The following FAM124A variants were observed in gnomAD, a reference collection of about 807,000 sequenced individuals.
The protein encoded by FAM124A is protein FAM124A.
Under a neutral mutation model 24.5 loss-of-function variants are expected in FAM124A, and 23 were observed. The observed-to-expected ratio is 0.94, with a 90% confidence interval of 0.68 to 1.33. The LOEUF is 1.33. Among genes scored for constraint, FAM124A ranks in the 40% most tolerant of loss-of-function variants. The pLI is 0.00. For synonymous variants in FAM124A, 287 were observed against 314.7 expected (o/e 0.91, Z 0.93); for missense variants, 623 against 722.8 (o/e 0.86, Z 1.58).
chr13:51,244,385 G>T (rs911067415), intron 2 of FAM124A, among the ~76,000 whole-genome samples: 3 of 152,194 alleles, frequency 2.0e-5, no homozygotes, highest in African/African-American at 7.2e-5. Context: ...ATCCTCTAGT[G>T]CCTGGCACAT....
chr13:51,251,147 T>C lies in FAM124A; in HGVS notation c.101-321T>C, dbSNP rs926026050. On this transcript the variant is annotated intron_variant, in intron 2 of 3. Transcript: ENST00000322475. This position sits in a 1 kb window ranked among gnomAD's most constrained non-coding sequence, Gnocchi z 5.3. ...CCTTCCAAGTCACTAGACTTGACTT[T>C]CTATTTGTCTGATACGTAAATATAA... Among the ~76,000 whole-genome samples the C allele has an allele frequency of 1.3e-5, 2 of 152,202 alleles. No homozygotes were observed. Among genetic ancestry groups the C allele is most frequent in the African/African-American group, 2.4e-5 (1 of 41,436 alleles).
chr13:51,278,002 G>T (rs1473093413), intron 3 of FAM124A, among the ~76,000 whole-genome samples: 1 of 152,168 alleles, frequency 6.6e-6, no homozygotes, highest in Non-Finnish European at 1.5e-5. Flanking sequence ...CAAATTTCCC[G>T]GGCTGGTTGC....
At chr13:51,250,936 T>A (rs1177083214) in intron 2 of FAM124A, among the ~76,000 whole-genome samples, 1 of 152,142 alleles carries the variant, frequency 6.6e-6, no homozygotes, top group Admixed American at 6.5e-5. Flanking sequence ...TGTGCCTCAC[T>A]CCCTGTGAGG....
In FAM124A at chr13:51,283,539, G is replaced by A. The variant is rs908055230; in HGVS notation, c.*2283G>A. On this transcript the variant is annotated 3_prime_UTR_variant, in exon 4 of 4. Coordinates refer to ENST00000322475, the MANE Select transcript of FAM124A (RefSeq NM_001242312.2). ...AGTGGGCTACTCAGGTTAGACCAAT[G>A]ACTTCAGAACCACAGGGCTCAGAAC... 1 of 152,062 alleles carries A rather than the reference G, an allele frequency of 6.6e-6. No homozygotes were observed. The highest frequency in any genetic ancestry group is 2.4e-5 in the African/African-American group (1 of 41,398). The allele number at this position is 152,062 out of a possible 1,614,324, so 9.4% of individuals were successfully genotyped here. A position where few individuals can be genotyped will look rare whatever the true frequency, so the allele number is the denominator to read the frequency against.
At chr13:51,246,561 C>A (rs1340032707) in intron 2 of FAM124A, among the ~76,000 whole-genome samples, 1 of 152,122 alleles carries the variant, frequency 6.6e-6, no homozygotes, top group African/African-American at 2.4e-5. Flanking sequence ...GGGGCAGGGT[C>A]TTAGCCACTT....
In FAM124A at chr13:51,240,629, G is replaced by A. The variant is rs184821293; in HGVS notation, c.100+9250G>A. ...TATGAGACAGTGTGATGAAGGGCTC[G>A]CCATCTGTTAGATTATAACACGTTC... On this transcript the variant is annotated intron_variant, in intron 2 of 3. Coordinates refer to ENST00000322475, the MANE Select transcript of FAM124A (RefSeq NM_001242312.2). Among the ~76,000 whole-genome samples the A allele has an allele frequency of 3.4e-3, 514 of 152,284 alleles. 3 individuals carry two copies. Among genetic ancestry groups the A allele is most frequent in the Non-Finnish European group, 5.2e-3 (354 of 68,028 alleles).
chr13:51,263,814 C>G (rs1358112533), intron 3 of FAM124A, among the ~76,000 whole-genome samples: 2 of 152,016 alleles, frequency 1.3e-5, no homozygotes, highest in Non-Finnish European at 2.9e-5. Flanking sequence ...GGATAGTTGT[C>G]CTGACTAAGA....
intron 3 of FAM124A, among the ~76,000 whole-genome samples, chr13:51,275,061 G>C (rs1443760489): frequency 6.6e-6 from 1 of 152,104 alleles, no homozygotes; most frequent in Non-Finnish European, 1.5e-5. Flanking sequence ...ACTGGATGCA[G>C]TAGCAAAAAG....
intron 2 of FAM124A, among the ~76,000 whole-genome samples, chr13:51,242,478 A>C (rs78865155): frequency 0.015 from 2,312 of 152,296 alleles, 61 homozygotes; most frequent in African/African-American, 0.053. Flanking sequence ...AGATATGTTT[A>C]AGTGTTTCTA....
chr13:51,280,675 C>T lies in FAM124A; in HGVS notation c.1060C>T (p.Pro354Ser). ...AGRANSTPNP[P>S]WSFQRSKSLF... Reference sequence around the variant, plus strand: ...ACGAGCCAACAGCACCCCCAACCCTCCCTGGTCTTTCCAGAGAAGCAAGTC... The same window carrying T: ...ACGAGCCAACAGCACCCCCAACCCTTCCTGGTCTTTCCAGAGAAGCAAGTC... The change falls in exon 4 of 4, where the codon CCC becomes TCC. Residue 354 changes from proline to serine, a missense_variant. Pro to Ser is a moderately conservative substitution (Grantham distance 74, BLOSUM62 -1). Transcript: ENST00000322475. The T allele has an allele frequency of 6.2e-7, 1 of 1,614,222 alleles. No individual in the cohort carries two copies. The highest frequency in any genetic ancestry group is 8.5e-7 in the Non-Finnish European group (1 of 1,180,054).
chr13:51,227,917 A>G (rs1051464561), intron 1 of FAM124A, among the ~76,000 whole-genome samples: 7 of 152,352 alleles, frequency 4.6e-5, no homozygotes, highest in African/African-American at 1.7e-4. Context: ...GGTGGGTGGA[A>G]AAGAATAGGT....
intron 3 of FAM124A, among the ~76,000 whole-genome samples, chr13:51,271,345 TAG>T (rs1954838730): frequency 6.6e-6 from 1 of 152,106 alleles, no homozygotes; most frequent in South Asian, 2.1e-4. Context: ...TTAGTTCACA[TAG>T]AGTAAAAAAA....
intron 3 of FAM124A, among the ~76,000 whole-genome samples, chr13:51,264,134 G>A (rs1954762630): frequency 6.6e-6 from 1 of 152,206 alleles, no homozygotes; most frequent in South Asian, 2.1e-4. Flanking sequence ...CTAGGCCAGT[G>A]GTGCTGTCTT....
chr13:51,240,109 C>T (rs1954475530), intron 2 of FAM124A, among the ~76,000 whole-genome samples: 1 of 152,246 alleles, frequency 6.6e-6, no homozygotes, highest in Admixed American at 6.5e-5. Context: ...CTGTCTTTAA[C>T]TGCTGATGGT....
Position 51,251,648 on chromosome 13 carries a change from C to T in FAM124A, c.281C>T (p.Pro94Leu), listed in dbSNP as rs1314788357. Residue 94 changes from proline (P) to leucine (L), a missense_variant, in exon 3 of 4, where the codon CCC (proline) becomes CTC (leucine). Coordinates refer to ENST00000322475, the MANE Select transcript of FAM124A (RefSeq NM_001242312.2). The surrounding 1 kb of genome is among the most constrained non-coding windows in gnomAD (Gnocchi z 5.3). ...GCGTCCCGGCGGCGGCGGAAGCCCC[C>T]CAAGGGCGCTCAGCCAGCGCTGGCT... is the stretch of plus-strand genomic sequence containing the variant. ...RRASRRRRKP[P>L]KGAQPALAVV... 3.2e-6 allele frequency: 5 copies of T among 1,580,958 alleles called. No individual in the cohort carries two copies. Among genetic ancestry groups the T allele is most frequent in the South Asian group, 1.2e-5 (1 of 86,892 alleles).
intron 3 of FAM124A, among the ~76,000 whole-genome samples, chr13:51,269,327 T>C (rs966614788): frequency 6.6e-6 from 1 of 152,220 alleles, no homozygotes; most frequent in Non-Finnish European, 1.5e-5. Flanking sequence ...TGTTTGGTAT[T>C]TTAAGAATTT....
At chr13:51,264,352 G>A (rs542716638) in intron 3 of FAM124A, among the ~76,000 whole-genome samples, 1 of 152,078 alleles carries the variant, frequency 6.6e-6, no homozygotes, top group Non-Finnish European at 1.5e-5. Flanking sequence ...CCTTCACCTT[G>A]TACATCCTCG....
intron 2 of FAM124A, among the ~76,000 whole-genome samples, chr13:51,246,497 G>C (rs1346644084): frequency 6.6e-6 from 1 of 151,766 alleles, no homozygotes; most frequent in East Asian, 1.9e-4. Flanking sequence ...GCGGGTACGT[G>C]CTAGTGATGG....
At chr13:51,261,525 A>G (rs560358040) in intron 3 of FAM124A, among the ~76,000 whole-genome samples, 1 of 152,360 alleles carries the variant, frequency 6.6e-6, no homozygotes, top group East Asian at 1.9e-4. Context: ...CCTGAGAGGA[A>G]GAGTAATTTT....
Sources: gnomAD v4.1 joint callset for allele counts (sites outside exome capture counted in the v4.1 genomes callset) on GRCh38, gnomAD v4.1.1 for gene constraint, Gnocchi (gnomAD v3.1) non-coding constraint, MANE v1.5 for transcripts, NCBI Gene and HGNC (gene_info 2026-07-23, HGNC 2026-07-21) for gene names.